Variants in TBK1 observed in about 807,000 individuals in gnomAD.
TBK1 encodes TANK binding kinase 1.
A neutral mutation model predicts 99.9 loss-of-function variants in TBK1; 37 were observed. The observed-to-expected ratio is 0.37, with a 90% CI of 0.28 to 0.49. The LOEUF (loss-of-function observed/expected upper bound fraction) is 0.49, where lower values mean the gene tolerates loss of function less well. Ranked by LOEUF, TBK1 falls within the 20% of genes least tolerant of loss-of-function variation. TBK1 has a pLI of 0.98. For missense variants in TBK1, 644 were observed against 872.5 expected, an observed-to-expected ratio of 0.74 and a Z score of 3.30; for synonymous variants, 258 against 279.8, an observed-to-expected ratio of 0.92 and a Z score of 0.78.
At chr12:64,488,400 T>A (rs1408323620) in intron 11 of TBK1, 87 bp from the exon 12 acceptor site, 1 of 653,786 alleles carries the variant, frequency 1.5e-6, no homozygotes, top group African/African-American at 1.9e-5. Context: ...TAAAATGTTT[T>A]TGAACTGTAG....
intron 5 of TBK1, among the ~76,000 whole-genome samples, chr12:64,469,704 T>A (rs2040642275): frequency 1.3e-5 from 2 of 152,288 alleles, no homozygotes; most frequent in South Asian, 4.1e-4. Flanking sequence ...AGTAGCAAGC[T>A]CAAGCGCGTG....
At chr12:64,484,155 A>G (rs1248610811) in intron 8 of TBK1, 148 bp from the exon 9 acceptor site, 1 of 579,316 alleles carries the variant, frequency 1.7e-6, no homozygotes, top group Non-Finnish European at 3.0e-6. Flanking sequence ...TGGAGTTTGT[A>G]GTATCCACAT....
rs57575805 is a variant in TBK1, at chr12:64,465,242, C to CAAAAAAAAAAAAAAAAAAA, written c.358+783_358+801dup. On this transcript the variant is annotated intron_variant, in intron 4 of 20. Transcript: ENST00000331710. The stretch of plus-strand genomic sequence containing the variant: ...CCTGGGCAACAAAGCAAGACTATCT[C>CAAAAAAAAAAAAAAAAAAA]AAAAAAAAAAAAAAAAAAAAAACAA... Among the ~76,000 whole-genome samples the CAAAAAAAAAAAAAAAAAAA allele has an allele frequency of 8.6e-5, 5 of 57,916 alleles. 1 individual carries two copies. Among genetic ancestry groups the CAAAAAAAAAAAAAAAAAAA allele is most frequent in the Admixed American group, 2.7e-4 (1 of 3,750 alleles). 38.0% of individuals were successfully genotyped at this position (57,916 alleles called of 152,430 possible). A position where few individuals can be genotyped will look rare whatever the true frequency, so the allele number is the denominator to read the frequency against.
chr12:64,462,585 A>G (rs924996107), intron 3 of TBK1, among the ~76,000 whole-genome samples: 86 of 152,240 alleles, frequency 5.6e-4, no homozygotes, highest in African/African-American at 2.0e-3. Flanking sequence ...TTTAAAAGCA[A>G]CAGTTTTTTT....
At chr12:64,493,127 C>T (rs2040887990) in intron 13 of TBK1, among the ~76,000 whole-genome samples, 1 of 151,970 alleles carries the variant, frequency 6.6e-6, no homozygotes, top group Non-Finnish European at 1.5e-5. Flanking sequence ...ATCTCCTGAC[C>T]TCATGATCTG....
intron 2 of TBK1, among the ~76,000 whole-genome samples, chr12:64,456,664 C>A (rs539769794): frequency 6.6e-6 from 1 of 151,910 alleles, no homozygotes; most frequent in Non-Finnish European, 1.5e-5. Context: ...CACGGTGAAA[C>A]CCCGTCTCTA....
At chr12:64,460,108 C>T in intron 2 of TBK1, 81 bp from the exon 3 acceptor site, 1 of 913,772 alleles carries the variant, frequency 1.1e-6, no homozygotes, top group Non-Finnish European at 1.5e-6. Context: ...AAATAAGTTG[C>T]AATAGCGAGT....
At chr12:64,498,278 CTATT>C (rs1280993266) in intron 20 of TBK1, among the ~76,000 whole-genome samples, 1 of 152,206 alleles carries the variant, frequency 6.6e-6, no homozygotes, top group African/African-American at 2.4e-5. Context: ...AGATCAAACT[CTATT>C]TACATTATTT....
At position 64,497,996 on chromosome 12, in the gene TBK1, G is replaced by A. The variant is rs1400374794; in HGVS notation, c.2095G>A (p.Gly699Arg). The change falls in exon 20 of 21, where the codon GGG becomes AGG. Residue 699 changes from glycine (G) to arginine (R), a missense_variant. Physicochemically the swap from Gly to Arg is moderately radical, Grantham distance 125. This residue lies in a region of TBK1 where 465 missense variants were observed against 588.0 expected (regional missense o/e 0.79). Coordinates refer to ENST00000331710, the MANE Select transcript of TBK1 (RefSeq NM_013254.4). ...GAAGAAATTAAAGGAAGAGATGGAA[G>A]GGGTGGTTAAAGAACTTGCTGAAAA... The part of the protein sequence containing the change: ...GMKKLKEEME[G>R]VVKELAENNH... 6.2e-7 allele frequency: 1 copy of A among 1,600,468 alleles called. No homozygotes were observed. The highest frequency in any genetic ancestry group is 1.8e-5 in the Admixed American group (1 of 55,424).
intron 6 of TBK1, among the ~76,000 whole-genome samples, chr12:64,478,246 G>A (rs969255345): frequency 6.6e-6 from 1 of 152,176 alleles, no homozygotes; most frequent in Admixed American, 6.5e-5. Flanking sequence ...TACCTGCCAG[G>A]TTCAAGCAAT....
intron 5 of TBK1, among the ~76,000 whole-genome samples, chr12:64,472,427 C>T (rs536051274): frequency 2.6e-5 from 4 of 152,162 alleles, no homozygotes; most frequent in African/African-American, 9.6e-5. Context: ...GGTTTGGGAT[C>T]ATTTAGGTGG....
At chr12:64,477,581 A>T (rs1230385936) in intron 6 of TBK1, among the ~76,000 whole-genome samples, 1 of 152,198 alleles carries the variant, frequency 6.6e-6, no homozygotes, top group East Asian at 1.9e-4. Context: ...CTAGGTTTAG[A>T]ATCATACTGT....
At chr12:64,453,005 A>G (rs1342492052) in intron 1 of TBK1, 1 of 152,340 alleles carries the variant, frequency 6.6e-6, no homozygotes, top group East Asian at 1.9e-4. Context: ...TTCATCCCTC[A>G]ACAAATAGTA....
intron 1 of TBK1, among the ~76,000 whole-genome samples, chr12:64,453,811 C>G (rs2040455345): frequency 6.6e-6 from 1 of 152,042 alleles, no homozygotes; most frequent in Non-Finnish European, 1.5e-5. Context: ...CTTTGTATAC[C>G]TTGATAGATC....
Position 64,474,350 on chromosome 12 carries a change from T to A in TBK1, c.661T>A (p.Phe221Ile). ...CCATGCAGCTACTGGATCACTGCCA[T>A]TTAGACCCTTTGAAGGGCCTCGTAG... ...FYHAATGSLP[F>I]RPFEGPRRNK... is the part of the protein sequence containing the mutation. The change falls in exon 6 of 21, where the codon TTT becomes ATT. Residue 221 changes from phenylalanine to isoleucine, a missense_variant. Transcript: ENST00000331710. The A allele has an allele frequency of 6.2e-7, 1 of 1,614,058 alleles. No homozygotes were observed. The highest frequency in any genetic ancestry group is 1.3e-5 in the African/African-American group (1 of 75,022).
chr12:64,497,839 T>C (rs2040945927), intron 19 of TBK1, 85 bp downstream of exon 19: 4 of 1,408,718 alleles, frequency 2.8e-6, no homozygotes, highest in Non-Finnish European at 3.9e-6. Context: ...TTTGAAATTT[T>C]TTATGTTTGT....
chr12:64,496,344 G>T, intron 15 of TBK1, 23 bp from the exon 16 acceptor site: 13 of 1,063,960 alleles, frequency 1.2e-5, no homozygotes, highest in Non-Finnish European at 1.8e-5. Context: ...ATTAACAACA[G>T]TAATATATTT....
chr12:64,494,239 A>G (rs771584231), intron 13 of TBK1, among the ~76,000 whole-genome samples: 2 of 151,976 alleles, frequency 1.3e-5, no homozygotes, highest in Non-Finnish European at 2.9e-5. Flanking sequence ...AGGTGGGGGT[A>G]GACTGGTTGA....
intron 7 of TBK1, among the ~76,000 whole-genome samples, chr12:64,480,343 G>A (rs2040757640): frequency 6.6e-6 from 1 of 151,946 alleles, no homozygotes; most frequent in Non-Finnish European, 1.5e-5. Flanking sequence ...TAGGACACAG[G>A]GCATACATTT....
Sources: gnomAD v4.1 joint callset for allele counts (sites outside exome capture counted in the v4.1 genomes callset) on GRCh38, gnomAD v4.1.1 for gene constraint, gnomAD v4.1.1 regional missense constraint, MANE v1.5 for transcripts, NCBI Gene and HGNC (gene_info 2026-07-23, HGNC 2026-07-21) for gene names.